PTCD1: variants seen among roughly 807,000 people sequenced by gnomAD.
The protein encoded by PTCD1 is pentatricopeptide repeat domain 1, also known as pentatricopeptide repeat-containing protein 1, mitochondrial.
PTCD1 carries 50 observed loss-of-function variants against 53.4 expected under a neutral mutation model. The observed-to-expected ratio is 0.94, with a 90% CI of 0.75 to 1.19. The LOEUF (loss-of-function observed/expected upper bound fraction) is 1.19. Ranked by LOEUF, PTCD1 falls within the 50% of genes most tolerant of loss-of-function variation. The pLI is 0.00. For missense variants in PTCD1, 918 were observed against 904.8 expected (o/e 1.01, Z -0.19); for synonymous variants, 413 against 394.8 (o/e 1.05, Z -0.55).
At position 99,425,445 on chromosome 7, in the gene PTCD1, GC is replaced by G; in HGVS notation, c.1086del (p.Pro363GlnfsTer69). 6.2e-7 allele frequency: 1 copy of G among 1,613,906 alleles called. No individual in the cohort carries two copies. The highest frequency in any genetic ancestry group is 8.5e-7 in the Non-Finnish European group (1 of 1,180,018). On this transcript the variant is annotated frameshift_variant, in exon 6 of 8. Transcript: ENST00000292478. LOFTEE classifies it high-confidence loss of function. ...TVLQPPVSRQ[R>X]PRRTAQAKAG... Reference sequence around the variant, plus strand: ...GCCTTGGCCTGGGCTGTCCTCCTTGGCCGCTGCCTGCTCACTGGGGGCTGAA... The same window carrying G: ...GCCTTGGCCTGGGCTGTCCTCCTTGGCGCTGCCTGCTCACTGGGGGCTGAA...
chr7:99,438,626 T>C, intron 1 of PTCD1, 66 bp downstream of exon 1: 1 of 1,189,582 alleles, frequency 8.4e-7, no homozygotes, highest in Non-Finnish European at 1.1e-6. Flanking sequence ...CTCGGGCACT[T>C]CCTTCCCCTC....
At position 99,433,269 on chromosome 7, in the gene PTCD1, C is replaced by T; in HGVS notation, c.594+9G>A. The T allele has an allele frequency of 2.5e-6, 4 of 1,614,176 alleles. No homozygotes were observed. Among genetic ancestry groups the T allele is most frequent in the Non-Finnish European group, 3.4e-6 (4 of 1,180,018 alleles). On this transcript the variant is annotated intron_variant, in intron 3 of 7. Coordinates refer to ENST00000292478, the MANE Select transcript of PTCD1 (RefSeq NM_015545.4). The stretch of plus-strand genomic sequence containing the variant: ...AGCCTCACCCCGGCTGCCCTGCGCC[C>T]ACATGCACCTGGTTGTAGAGGTTGA...
At chr7:99,430,997 C>T (rs543403873) in intron 3 of PTCD1, among the ~76,000 whole-genome samples, 2 of 152,058 alleles carry the variant, frequency 1.3e-5, no homozygotes, top group African/African-American at 4.8e-5. Flanking sequence ...ATTGCTTGAA[C>T]CTGGGAGGTG....
At chr7:99,438,135 C>T (rs887543248) in intron 1 of PTCD1, among the ~76,000 whole-genome samples, 4 of 152,062 alleles carry the variant, frequency 2.6e-5, no homozygotes, top group Non-Finnish European at 5.9e-5. Context: ...TAAAAAAAAC[C>T]CTGAATTAGG....
chr7:99,417,090 G>T lies in PTCD1; in HGVS notation c.*2877C>A. 3 of 207,008 alleles carry T rather than the reference G, an allele frequency of 1.4e-5. No homozygotes were observed. The highest frequency in any genetic ancestry group is 6.4e-5 in the South Asian group (1 of 15,672). The allele number at this position is 207,008 out of a possible 1,614,324, so 12.8% of individuals were successfully genotyped here. ...CTTTTTTTTTTTGAGATGGAGTTTC[G>T]CTGTCACCCAGGCTGGAGTCCAGTG... On this transcript the variant is annotated 3_prime_UTR_variant, in exon 8 of 8. Coordinates refer to ENST00000292478, the MANE Select transcript of PTCD1 (RefSeq NM_015545.4).
chr7:99,420,099 A>T lies in PTCD1; in HGVS notation c.1971T>A (p.Tyr657Ter). ...YLEKIDGFRA[Y>*]YKQWLTVMPA... Reference sequence around the variant, plus strand: ...GCATCACTGTCAGCCACTGCTTGTAATAGGCTCGGAAGCCGTCAATCTTCT... The same window carrying T: ...GCATCACTGTCAGCCACTGCTTGTATTAGGCTCGGAAGCCGTCAATCTTCT... The change falls in exon 8 of 8, where the codon TAT (tyrosine) becomes TAA (stop). Residue 657 changes from tyrosine to a stop codon, truncating the protein, a stop_gained. Transcript: ENST00000292478. LOFTEE classifies it low-confidence loss of function (END_TRUNC). 1 of 1,614,152 alleles carries T rather than the reference A, an allele frequency of 6.2e-7. No individual in the cohort carries two copies. The highest frequency in any genetic ancestry group is 8.5e-7 in the Non-Finnish European group (1 of 1,180,004).
intron 3 of PTCD1, among the ~76,000 whole-genome samples, chr7:99,432,353 G>C (rs1413618124): frequency 6.6e-6 from 1 of 152,228 alleles, no homozygotes; most frequent in Non-Finnish European, 1.5e-5. Context: ...CTCAGGGCTG[G>C]AGGTGGGACC....
chr7:99,422,667 G>T (rs1795867932), intron 7 of PTCD1, among the ~76,000 whole-genome samples: 1 of 152,224 alleles, frequency 6.6e-6, no homozygotes, highest in Non-Finnish European at 1.5e-5. Flanking sequence ...GAAGCTTGCA[G>T]GGGTAAATGC....
chr7:99,424,266 A>C (rs1795933895), intron 6 of PTCD1, among the ~76,000 whole-genome samples: 1 of 152,174 alleles, frequency 6.6e-6, no homozygotes, highest in Admixed American at 6.5e-5. Flanking sequence ...ACGCACGGTC[A>C]CCAGGTGGTG....
intron 2 of PTCD1, 49 bp downstream of exon 2, chr7:99,434,741 C>T: frequency 1.9e-6 from 3 of 1,610,392 alleles, no homozygotes; most frequent in Non-Finnish European, 2.5e-6. Flanking sequence ...AAACACTGAG[C>T]CACCAGGGGA....
intron 4 of PTCD1, among the ~76,000 whole-genome samples, 187 bp from the exon 5 acceptor site, chr7:99,429,391 G>T (rs1374167095): frequency 6.6e-6 from 1 of 152,140 alleles, no homozygotes; most frequent in African/African-American, 2.4e-5. Context: ...AGTGCACAAA[G>T]CAGGACACAG....
intron 4 of PTCD1, 75 bp downstream of exon 4, chr7:99,429,513 C>G: frequency 1.2e-6 from 2 of 1,604,420 alleles, no homozygotes; most frequent in Non-Finnish European, 1.7e-6. Flanking sequence ...TGAGGAGAGA[C>G]AGACACCACA....
chr7:99,417,512 T>C lies in PTCD1; in HGVS notation c.*2455A>G, dbSNP rs1228847976. 3 of 1,611,700 alleles carry C rather than the reference T, an allele frequency of 1.9e-6. No homozygotes were observed. Among genetic ancestry groups the C allele is most frequent in the Non-Finnish European group, 2.5e-6 (3 of 1,178,312 alleles). ...GAAAAAGCAAGGATATGAGAACTTG[T>C]GCTGCCTGCGGTGCATTCAGACACG... On this transcript the variant is annotated 3_prime_UTR_variant, in exon 8 of 8. Coordinates refer to ENST00000292478, the MANE Select transcript of PTCD1 (RefSeq NM_015545.4).
Position 99,419,697 on chromosome 7 carries a change from C to T in PTCD1, c.*270G>A, listed in dbSNP as rs907346332. ...GGCCCCAGGGACCAGATGCCCCAGC[C>T]CCCTTGTGGTGTGTGAGGTGACACA... On this transcript the variant is annotated 3_prime_UTR_variant, in exon 8 of 8. Transcript: ENST00000292478. The T allele has an allele frequency of 1.4e-4, 98 of 691,544 alleles. No individual in the cohort carries two copies. The African/African-American group carries it at 1.6e-3, about 11-fold the overall frequency. The allele number at this position is 691,544 out of a possible 1,614,324, so 42.8% of individuals were successfully genotyped here.
At chr7:99,430,314 G>A (rs1038120731) in intron 3 of PTCD1, among the ~76,000 whole-genome samples, 2 of 152,222 alleles carry the variant, frequency 1.3e-5, no homozygotes, top group Non-Finnish European at 2.9e-5. Flanking sequence ...ACCTGATCTG[G>A]TAAGTCACAA....
chr7:99,427,128 G>A (rs1796065553), intron 5 of PTCD1, among the ~76,000 whole-genome samples: 1 of 150,130 alleles, frequency 6.7e-6, no homozygotes, highest in Non-Finnish European at 1.5e-5. Context: ...CCGGGAGGGA[G>A]GTGGGGGTCA....
intron 7 of PTCD1, among the ~76,000 whole-genome samples, chr7:99,421,694 G>C (rs1764014742): frequency 6.6e-6 from 1 of 150,478 alleles, no homozygotes; most frequent in Non-Finnish European, 1.5e-5. Flanking sequence ...GGCAGAGGTT[G>C]CAGTGAGGCC....
chr7:99,423,032 G>A (rs1324562234), intron 7 of PTCD1, among the ~76,000 whole-genome samples: 2 of 150,548 alleles, frequency 1.3e-5, no homozygotes, highest in East Asian at 1.9e-4. Flanking sequence ...CACACCGGGC[G>A]AGAGCTCTTC....
At position 99,419,145 on chromosome 7, in the gene PTCD1, G is replaced by A. The variant is rs1460485911; in HGVS notation, c.*822C>T. 1 of 553,052 alleles carries A rather than the reference G, an allele frequency of 1.8e-6. No individual in the cohort carries two copies. Among genetic ancestry groups the A allele is most frequent in the Non-Finnish European group, 3.2e-6 (1 of 308,424 alleles). 34.3% of individuals were successfully genotyped at this position (553,052 alleles called of 1,614,324 possible). On this transcript the variant is annotated 3_prime_UTR_variant, in exon 8 of 8. Transcript: ENST00000292478. Reference sequence around the variant, plus strand: ...GATTTCTTTTTCTTGATTGGCAAACGTGTGTTGGATTTGCAGAACATATTA... The same window carrying A: ...GATTTCTTTTTCTTGATTGGCAAACATGTGTTGGATTTGCAGAACATATTA...
Sources: allele counts gnomAD v4.1 joint callset (sites outside exome capture counted in the v4.1 genomes callset), GRCh38; gene constraint gnomAD v4.1.1; transcripts MANE v1.5; gene names NCBI Gene and HGNC (gene_info 2026-07-23, HGNC 2026-07-21).